Variants in ZNF674 observed in about 807,000 individuals in gnomAD.
ZNF674 encodes the protein zinc finger protein 674, also known as zinc finger family member 674.
In ZNF674, 2 loss-of-function variants were observed where a neutral mutation model predicts 7.0. The ratio of observed to expected loss-of-function variants is 0.29; its 90% CI spans 0.12 to 0.90. ZNF674 has a LOEUF of 0.90. ZNF674 is among the 40% of genes least tolerant of loss of function. The pLI is 0.57. For synonymous variants in ZNF674, 103 were observed against 145.2 expected (o/e 0.71, Z 2.09); for missense variants, 297 against 415.5 (o/e 0.71, Z 2.48).
rs757102164 is a variant in ZNF674 at position 46,542,402 on chromosome X, C to G, written c.-29-286G>C. ...TATCTCAAGAGTTCTATTCCTAGCA[C>G]AAAGATGCAAAATGTTCACCATTGT... On this transcript the variant is annotated intron_variant, in intron 2 of 5. Coordinates refer to ENST00000683375, the MANE Select transcript of ZNF674 (RefSeq NM_001190417.2). Among the ~76,000 whole-genome samples the G allele has an allele frequency of 4.5e-5, 5 of 112,025 alleles. No individual in the cohort carries two copies. In the East Asian group the frequency reaches 1.4e-3, roughly 31 times the overall value.
chrX:46,525,756 C>T (rs1290704214), intron 5 of ZNF674, among the ~76,000 whole-genome samples: 1 of 110,743 alleles, frequency 9.0e-6, no homozygotes, highest in Non-Finnish European at 1.9e-5. Flanking sequence ...AAGCTATCTA[C>T]AAAAAAGTTA....
At chrX:46,529,151 G>T (rs962107924) in intron 3 of ZNF674, 3 of 487,627 alleles carry the variant, frequency 6.2e-6, no homozygotes, top group African/African-American at 4.8e-5. Context: ...ACGCAGTCTG[G>T]CTCCCGCATC....
chrX:46,508,649 G>A (rs1240567980), intron 5 of ZNF674, among the ~76,000 whole-genome samples: 1 of 110,982 alleles, frequency 9.0e-6, no homozygotes, highest in Non-Finnish European at 1.9e-5. Flanking sequence ...TTGAGCAGTG[G>A]TTTGTAGTTC....
chrX:46,499,968 TGA>T lies in ZNF674; in HGVS notation c.1604_1605del (p.Leu535HisfsTer14). ...CCTGTATGAGTTCTGTGATGCACAA[TGA>T]GAGTTGATTTCACACTGAAGGCCTT... Reference protein sequence around the residue: ...CGKAFSVKSTLIVHHRTHTGE... With the variant: ...CGKAFSVKSTXIVHHRTHTGE... On this transcript the variant is annotated frameshift_variant, in exon 6 of 6. Transcript: ENST00000683375. LOFTEE classifies it low-confidence loss of function (END_TRUNC). 8.3e-7 allele frequency: 1 copy of T among 1,200,883 alleles called. No homozygotes were observed. Among genetic ancestry groups the T allele is most frequent in the Non-Finnish European group, 1.1e-6 (1 of 889,583 alleles).
In ZNF674 at chrX:46,499,699, T is replaced by C; in HGVS notation, c.*144A>G. 5 of 468,779 alleles carry C rather than the reference T, an allele frequency of 1.1e-5. No individual in the cohort carries two copies. Among genetic ancestry groups the C allele is most frequent in the Non-Finnish European group, 1.7e-5 (5 of 300,882 alleles). The allele number at this position is 468,779 out of a possible 1,213,427, so 38.6% of individuals were successfully genotyped here. On this transcript the variant is annotated 3_prime_UTR_variant, in exon 6 of 6. Coordinates refer to ENST00000683375, the MANE Select transcript of ZNF674 (RefSeq NM_001190417.2). ...TTATACTTTTGTACTTTGTATTAAGTTAAATGAACATTAACATATGAAGAA... is the reference window on the plus strand; with the variant it reads ...TTATACTTTTGTACTTTGTATTAAGCTAAATGAACATTAACATATGAAGAA...
chrX:46,528,147 G>C (rs1942041327), intron 5 of ZNF674: 1 of 484,032 alleles, frequency 2.1e-6, no homozygotes, highest in Non-Finnish European at 3.6e-6. Flanking sequence ...CTATGTGAAT[G>C]CCAAGCAAAG....
intron 5 of ZNF674, among the ~76,000 whole-genome samples, chrX:46,521,874 G>A (rs1941920289): frequency 9.2e-6 from 1 of 108,292 alleles, no homozygotes; most frequent in Non-Finnish European, 1.9e-5. Context: ...GGGCGACAGA[G>A]CAAGACTCTG....
chrX:46,523,817 T>G (rs1017885702), intron 5 of ZNF674, among the ~76,000 whole-genome samples: 1 of 111,113 alleles, frequency 9.0e-6, no homozygotes, highest in African/African-American at 3.3e-5. Flanking sequence ...CCGAGGCTGG[T>G]AGATCACCTG....
intron 5 of ZNF674, among the ~76,000 whole-genome samples, chrX:46,521,651 A>AG (rs755422399): frequency 4.7e-4 from 27 of 57,884 alleles, no homozygotes; most frequent in African/African-American, 1.7e-3. Flanking sequence ...AAGGCGGGGG[A>AG]GGGGGGGGAG....
chrX:46,504,690 A>G (rs1941497022), intron 5 of ZNF674, among the ~76,000 whole-genome samples: 1 of 110,087 alleles, frequency 9.1e-6, no homozygotes, highest in African/African-American at 3.3e-5. Flanking sequence ...TTACAAAAAG[A>G]ATTCTGTATT....
intron 5 of ZNF674, among the ~76,000 whole-genome samples, chrX:46,520,918 G>A (rs1254451229): frequency 3.6e-5 from 4 of 111,684 alleles, no homozygotes; most frequent in African/African-American, 1.3e-4. Flanking sequence ...TGGGCGCAGT[G>A]GCTCACGACT....
intron 5 of ZNF674, among the ~76,000 whole-genome samples, chrX:46,519,943 T>G (rs751875803): frequency 5.4e-5 from 6 of 112,001 alleles, no homozygotes; most frequent in Non-Finnish European, 1.1e-4. Flanking sequence ...TGAACGAATC[T>G]CTGGAGGATT....
At chrX:46,505,400 C>A (rs1038721859) in intron 5 of ZNF674, among the ~76,000 whole-genome samples, 3 of 111,615 alleles carry the variant, frequency 2.7e-5, no homozygotes, top group Admixed American at 9.6e-5. Flanking sequence ...CTGGCAAAAT[C>A]AAAAATTATC....
intron 5 of ZNF674, among the ~76,000 whole-genome samples, chrX:46,505,471 T>C (rs1213740271): frequency 9.0e-6 from 1 of 111,685 alleles, no homozygotes. Context: ...TTAAAAATCA[T>C]TTATTCAAGA....
chrX:46,510,291 A>G (rs1941629384), intron 5 of ZNF674, among the ~76,000 whole-genome samples: 1 of 111,279 alleles, frequency 9.0e-6, no homozygotes, highest in Admixed American at 9.6e-5. Flanking sequence ...AAGTATAATA[A>G]TTAAAAAATA....
At chrX:46,501,660 A>ATGTGTGTGTGTG (rs1183107545) in intron 5 of ZNF674, among the ~76,000 whole-genome samples, 2 of 95,539 alleles carry the variant, frequency 2.1e-5, no homozygotes, top group Admixed American at 2.3e-4. Context: ...AATTGTATAT[A>ATGTGTGTGTGTG]TATGTGTGTG....
intron 3 of ZNF674, among the ~76,000 whole-genome samples, chrX:46,531,409 C>G (rs1324801904): frequency 8.9e-6 from 1 of 111,963 alleles, no homozygotes; most frequent in African/African-American, 3.2e-5. Context: ...ATACCCTACT[C>G]GAGACTGGCA....
intron 5 of ZNF674, among the ~76,000 whole-genome samples, chrX:46,509,469 G>T (rs1941605941): frequency 9.6e-6 from 1 of 104,062 alleles, no homozygotes; most frequent in African/African-American, 3.5e-5. Flanking sequence ...CCATCAAAAA[G>T]TGGGCGAAGG....
chrX:46,505,239 G>A lies in ZNF674; in HGVS notation c.239-3904C>T, dbSNP rs1040921699. 2.7e-5 allele frequency among the ~76,000 whole-genome samples: 3 copies of A among 111,714 alleles called. No homozygotes were observed. In the Admixed American group the frequency reaches 2.9e-4, roughly 11 times the overall value. ...CAAAATGTTAATATTTGCTAATACT[G>A]GGAAGGAAGTACAAGAGTGTTTGTT... On this transcript the variant is annotated intron_variant, in intron 5 of 5. Transcript: ENST00000683375.
Sources: gnomAD v4.1 joint callset for allele counts (sites outside exome capture counted in the v4.1 genomes callset) on GRCh38, gnomAD v4.1.1 for gene constraint, MANE v1.5 for transcripts, NCBI Gene and HGNC (gene_info 2026-07-23, HGNC 2026-07-21) for gene names.